The following FSTL5 variants were observed in gnomAD, a reference collection of about 807,000 sequenced individuals.
The protein encoded by FSTL5 is follistatin-related protein 5.
In FSTL5, 62 loss-of-function variants were observed where a neutral mutation model predicts 89.1. That is an observed-to-expected ratio of 0.70 (90% CI 0.57 to 0.86). The LOEUF (loss-of-function observed/expected upper bound fraction) is 0.86. Ranked by LOEUF, FSTL5 falls within the 40% of genes least tolerant of loss-of-function variation. The pLI, the probability that FSTL5 is intolerant of heterozygous loss-of-function variation, is 0.00. For missense variants in FSTL5, 1,057 were observed against 1,001.6 expected, an observed-to-expected ratio of 1.06 and a Z score of -0.75; for synonymous variants, 383 against 346.2, an observed-to-expected ratio of 1.11 and a Z score of -1.18.
In FSTL5 at chr4:161,385,858, C is replaced by A; in HGVS notation, c.2433G>T (p.Met811Ile). ...QDSGLFGQYL[M>I]TPSKDSLFIL... ...TGAAGAGAGAGTCCTTGGAAGGTGTCATCAGGTATTGACCAAACAAGCCAC... is the reference window on the plus strand; with the variant it reads ...TGAAGAGAGAGTCCTTGGAAGGTGTAATCAGGTATTGACCAAACAAGCCAC... Residue 811 changes from methionine to isoleucine, a missense_variant, in exon 16 of 16, where the codon ATG becomes ATT. Coordinates refer to ENST00000306100, the MANE Select transcript of FSTL5 (RefSeq NM_020116.5). 6.2e-7 allele frequency: 1 copy of A among 1,613,748 alleles called. No individual in the cohort carries two copies. The highest frequency in any genetic ancestry group is 1.1e-5 in the South Asian group (1 of 91,068).
chr4:161,566,119 TATATATATATATATATAC>T lies in FSTL5; in HGVS notation c.1015+21318_1015+21335del, dbSNP rs1489485897. On this transcript the variant is annotated intron_variant, in intron 8 of 15. Coordinates refer to ENST00000306100, the MANE Select transcript of FSTL5 (RefSeq NM_020116.5). ...TTTGGACTATATATATATATATATA[TATATATATATATATATAC>T]ACACACACACACACACACCGTGGAA... Among the ~76,000 whole-genome samples, 81 of 111,032 alleles carry T rather than the reference TATATATATATATATATAC, an allele frequency of 7.3e-4. 2 individuals are homozygous for T. In the South Asian group the frequency reaches 9.3e-3, roughly 13 times the overall value. The allele number at this position is 111,032 out of a possible 152,430, so 72.8% of individuals were successfully genotyped here.
chr4:162,111,112 G>A (rs925380479), intron 2 of FSTL5, among the ~76,000 whole-genome samples, 159 bp downstream of exon 2: 3 of 152,016 alleles, frequency 2.0e-5, no homozygotes, highest in African/African-American at 7.2e-5. Context: ...CAAATTTACT[G>A]CTATTTCATG....
Position 161,421,143 on chromosome 4 carries a change from C to T in FSTL5, c.1841+33861G>A, listed in dbSNP as rs187491665. Among the ~76,000 whole-genome samples the T allele has an allele frequency of 4.8e-3, 724 of 152,032 alleles. 7 individuals are homozygous for T. Among genetic ancestry groups the T allele is most frequent in the African/African-American group, 0.016 (644 of 41,472 alleles). ...GATCACGAGGTCAGGAGATCGAGAC[C>T]ATCCTGGCTAACACTGTGAAACCCA... On this transcript the variant is annotated intron_variant, in intron 15 of 15. Coordinates refer to ENST00000306100, the MANE Select transcript of FSTL5 (RefSeq NM_020116.5).
chr4:161,481,059 T>G lies in FSTL5; in HGVS notation c.1569A>C (p.Arg523Ser), dbSNP rs1457727364. Residue 523 changes from arginine (R) to serine (S), a missense_variant, in exon 13 of 16, where the codon AGA (arginine) becomes AGC (serine). Transcript: ENST00000306100. ...FIYVAQPTLDRVLIVDVQSQK... is the reference protein window; with the variant it reads ...FIYVAQPTLDSVLIVDVQSQK... Reference sequence around the variant, plus strand: ...GGGACTGCACATCAACAATAAGGACTCTGTCCAAAGTTGGCTGTGCAACAT... The same window carrying G: ...GGGACTGCACATCAACAATAAGGACGCTGTCCAAAGTTGGCTGTGCAACAT... 2 of 1,612,604 alleles carry G rather than the reference T, an allele frequency of 1.2e-6. No individual in the cohort carries two copies. The highest frequency in any genetic ancestry group is 1.7e-5 in the Admixed American group (1 of 59,948).
intron 3 of FSTL5, among the ~76,000 whole-genome samples, chr4:161,955,881 A>G (rs1735014695): frequency 6.6e-6 from 1 of 151,696 alleles, no homozygotes; most frequent in African/African-American, 2.4e-5. Flanking sequence ...TCAAGGAGAG[A>G]GGTGGTTTTT....
chr4:161,835,683 G>A (rs1731015397), intron 4 of FSTL5, among the ~76,000 whole-genome samples: 1 of 152,072 alleles, frequency 6.6e-6, no homozygotes, highest in South Asian at 2.1e-4. Context: ...CATTTATGCA[G>A]CCAAAAAACA....
intron 15 of FSTL5, among the ~76,000 whole-genome samples, chr4:161,442,207 C>G (rs1190478244): frequency 4.0e-5 from 6 of 149,474 alleles, no homozygotes; most frequent in Non-Finnish European, 8.9e-5. Context: ...TTTGGTGCCT[C>G]CTAATTCACC....
At chr4:161,406,266 T>C (rs1227393391) in intron 15 of FSTL5, among the ~76,000 whole-genome samples, 3 of 149,952 alleles carry the variant, frequency 2.0e-5, no homozygotes, top group Non-Finnish European at 3.0e-5. Flanking sequence ...TTTTGATTTT[T>C]TCTTTGAGTC....
At chr4:161,389,431 T>A (rs999120509) in intron 15 of FSTL5, among the ~76,000 whole-genome samples, 3 of 152,134 alleles carry the variant, frequency 2.0e-5, no homozygotes, top group African/African-American at 7.2e-5. Flanking sequence ...TCTTTCCAAA[T>A]CATTTTCTCT....
At chr4:161,437,498 C>A (rs550309910) in intron 15 of FSTL5, among the ~76,000 whole-genome samples, 205 of 137,902 alleles carry the variant, frequency 1.5e-3, no homozygotes, top group African/African-American at 4.4e-3. Context: ...AACCGGGAGG[C>A]GGAGCTTGCA....
chr4:161,733,477 G>A (rs1469388636), intron 6 of FSTL5, among the ~76,000 whole-genome samples: 2 of 151,830 alleles, frequency 1.3e-5, no homozygotes, highest in Admixed American at 1.3e-4. Flanking sequence ...TGCTTTTCAT[G>A]TCCCTTTCTA....
At chr4:162,159,603 G>A (rs1733615330) in intron 1 of FSTL5, among the ~76,000 whole-genome samples, 1 of 151,946 alleles carries the variant, frequency 6.6e-6, no homozygotes, top group African/African-American at 2.4e-5. Flanking sequence ...GAAAACATTA[G>A]TACACAAGGA....
intron 10 of FSTL5, among the ~76,000 whole-genome samples, chr4:161,520,275 T>A (rs772967522): frequency 5.9e-5 from 9 of 151,812 alleles, no homozygotes; most frequent in Non-Finnish European, 1.3e-4. Context: ...ATATTCCTAC[T>A]ACATATTCTG....
intron 4 of FSTL5, among the ~76,000 whole-genome samples, chr4:161,841,783 C>T (rs909051494): frequency 6.6e-6 from 1 of 152,130 alleles, no homozygotes; most frequent in African/African-American, 2.4e-5. Context: ...TGAATCAGAG[C>T]ATAATTAATA....
rs190903495 is a variant in FSTL5, at chr4:161,664,294, G to T, written c.728-7800C>A. ...AGTCAGGCTGCAAATTTTCCAAATTGTATGCTCAGTTTCCCTTTTAAAATG... is the reference window on the plus strand; with the variant it reads ...AGTCAGGCTGCAAATTTTCCAAATTTTATGCTCAGTTTCCCTTTTAAAATG... On this transcript the variant is annotated intron_variant, in intron 6 of 15. Transcript: ENST00000306100. 7.4e-4 allele frequency among the ~76,000 whole-genome samples: 113 copies of T among 152,240 alleles called. 1 individual carries two copies. In the East Asian group the frequency reaches 0.021, roughly 28 times the overall value.
At chr4:161,625,974 A>G (rs2126650884) in intron 7 of FSTL5, among the ~76,000 whole-genome samples, 1 of 152,258 alleles carries the variant, frequency 6.6e-6, no homozygotes, top group African/African-American at 2.4e-5. Flanking sequence ...GCTGAGATAT[A>G]TGAAAGCACA....
intron 3 of FSTL5, among the ~76,000 whole-genome samples, chr4:162,026,298 T>C (rs1346950845): frequency 8.4e-6 from 1 of 119,358 alleles, no homozygotes; most frequent in Non-Finnish European, 1.7e-5. Flanking sequence ...ACAGCTTATG[T>C]ATTTTCTTTT....
chr4:162,046,111 AT>A (rs1738165935), intron 2 of FSTL5, among the ~76,000 whole-genome samples: 1 of 152,194 alleles, frequency 6.6e-6, no homozygotes, highest in African/African-American at 2.4e-5. Flanking sequence ...GACACACTAA[AT>A]AACCACTCAC....
chr4:161,549,692 C>T (rs1732133656), intron 8 of FSTL5, among the ~76,000 whole-genome samples: 1 of 151,908 alleles, frequency 6.6e-6, no homozygotes, highest in Non-Finnish European at 1.5e-5. Flanking sequence ...AAAGACAGGA[C>T]ATAAAAGTTT....
Sources: allele counts gnomAD v4.1 joint callset (sites outside exome capture counted in the v4.1 genomes callset), GRCh38; gene constraint gnomAD v4.1.1; transcripts MANE v1.5; gene names NCBI Gene and HGNC (gene_info 2026-07-23, HGNC 2026-07-21).